The following CLNS1A variants were observed in gnomAD, a reference collection of about 807,000 sequenced individuals.
CLNS1A encodes the protein methylosome subunit pICln.
In CLNS1A, 16 loss-of-function variants were observed where a neutral mutation model predicts 29.4. The observed-to-expected ratio is 0.54, with a 90% CI of 0.37 to 0.83. The LOEUF (loss-of-function observed/expected upper bound fraction) is 0.83, where lower values mean the gene tolerates loss of function less well. Ranked by LOEUF, CLNS1A falls within the 40% of genes least tolerant of loss-of-function variation. The pLI, the probability that CLNS1A is intolerant of heterozygous loss-of-function variation, is 0.00. For synonymous variants in CLNS1A, 96 were observed against 104.8 expected (o/e 0.92, Z 0.51); for missense variants, 235 against 287.4 (o/e 0.82, Z 1.32).
chr11:77,637,457 TGA>T, intron 1 of CLNS1A, 131 bp downstream of exon 1: 11 of 1,172,828 alleles, frequency 9.4e-6, no homozygotes, highest in Non-Finnish European at 1.2e-5. Flanking sequence ...CAGGTATCCC[TGA>T]GGCGTCGGGC....
intron 2 of CLNS1A, among the ~76,000 whole-genome samples, chr11:77,628,994 T>A (rs1006475972): frequency 6.6e-6 from 1 of 152,190 alleles, no homozygotes; most frequent in Non-Finnish European, 1.5e-5. Context: ...TCAACCAAAA[T>A]GTCACTGCCA....
At chr11:77,632,670 T>C (rs1472446672) in intron 1 of CLNS1A, among the ~76,000 whole-genome samples, 1 of 152,198 alleles carries the variant, frequency 6.6e-6, no homozygotes, top group Non-Finnish European at 1.5e-5. Context: ...TTCTGTATTT[T>C]ACTTTTTCAG....
intron 5 of CLNS1A, among the ~76,000 whole-genome samples, chr11:77,621,118 G>A (rs1000449124): frequency 1.3e-5 from 2 of 152,114 alleles, no homozygotes; most frequent in Non-Finnish European, 2.9e-5. Flanking sequence ...CCAACATGGT[G>A]AAACCCCGTC....
chr11:77,621,321 ACACAC>A, intron 5 of CLNS1A, among the ~76,000 whole-genome samples: 1 of 151,584 alleles, frequency 6.6e-6, no homozygotes, highest in Non-Finnish European at 1.5e-5. Flanking sequence ...ACACACACAC[ACACAC>A]AATCAGTGTA....
At chr11:77,622,737 A>C (rs1411057236) in intron 4 of CLNS1A, 64 bp from the exon 5 acceptor site, 2 of 1,276,166 alleles carry the variant, frequency 1.6e-6, no homozygotes, top group Non-Finnish European at 2.1e-6. Flanking sequence ...TGGAATCAAT[A>C]ATATATCTGC....
Position 77,629,830 on chromosome 11 carries a change from T to C in CLNS1A, c.195A>G (p.Ala65=), listed in dbSNP as rs144971790. Residue 65 remains alanine (A), a synonymous_variant, in exon 2 of 7, where the codon GCA becomes GCG. Transcript: ENST00000525428. ...GACAGTCACTTCGGTCCCTGGATAA[T>C]GCATGTAAACTAATGGTGGGGTATT... is the stretch of plus-strand genomic sequence containing the variant. ...SLEYPTISLH[A]LSRDRSDCLG... The C allele has an allele frequency of 4.3e-6, 7 of 1,613,694 alleles. No individual in the cohort carries two copies. The African/African-American group carries it at 9.3e-5, about 22-fold the overall frequency.
chr11:77,623,978 T>A (rs966783648), intron 4 of CLNS1A, among the ~76,000 whole-genome samples: 7 of 152,188 alleles, frequency 4.6e-5, no homozygotes, highest in Non-Finnish European at 1.0e-4. Context: ...TAAATAAAGA[T>A]GCAGGCCAGG....
At chr11:77,617,784 G>A (rs1465486347) in intron 6 of CLNS1A, among the ~76,000 whole-genome samples, 1 of 151,902 alleles carries the variant, frequency 6.6e-6, no homozygotes, top group Non-Finnish European at 1.5e-5. Context: ...CAGGCGTGGT[G>A]GCGCGCGTCT....
At position 77,622,523 on chromosome 11, in the gene CLNS1A, T is replaced by G. The variant is rs1164504956; in HGVS notation, c.623A>C (p.Glu208Ala). The G allele has an allele frequency of 6.2e-7, 1 of 1,601,092 alleles. No individual in the cohort carries two copies. Residue 208 changes from glutamate (E) to alanine (A), a missense_variant, in exon 5 of 7, where the codon GAA (glutamate) becomes GCA (alanine). By Grantham distance (107) the Glu-to-Ala change is moderately radical. Coordinates refer to ENST00000525428, the MANE Select transcript of CLNS1A (RefSeq NM_001293.3). ...ACCTTCATAATCTCTTATTGAATCT[T>G]CTGTCCTGACCCCAGCCATATTATA... Reference protein sequence around the residue: ...SQYNMAGVRTEDSIRDYEDGM... With the variant: ...SQYNMAGVRTADSIRDYEDGM...
intron 6 of CLNS1A, 62 bp downstream of exon 6, chr11:77,619,544 A>G: frequency 8.9e-7 from 1 of 1,117,672 alleles, no homozygotes; most frequent in Non-Finnish European, 1.4e-6. Flanking sequence ...TTTAAAAAGT[A>G]GAAAGTAATC....
intron 1 of CLNS1A, among the ~76,000 whole-genome samples, chr11:77,634,099 C>T (rs1471909832): frequency 6.7e-6 from 1 of 148,558 alleles, no homozygotes; most frequent in Non-Finnish European, 1.5e-5. Flanking sequence ...GAAACTTCAT[C>T]TCAAAAAAAA....
chr11:77,616,932 G>C (rs557190509), intron 6 of CLNS1A, among the ~76,000 whole-genome samples: 1 of 152,180 alleles, frequency 6.6e-6, no homozygotes, highest in Non-Finnish European at 1.5e-5. Context: ...GTGATTCCAC[G>C]ATTAACGTGC....
At chr11:77,622,201 G>A (rs1419319399) in intron 5 of CLNS1A, among the ~76,000 whole-genome samples, 4 of 152,102 alleles carry the variant, frequency 2.6e-5, no homozygotes. Flanking sequence ...AGATGCAACA[G>A]TAAATTAATA....
At chr11:77,630,223 C>G (rs1959061025) in intron 1 of CLNS1A, among the ~76,000 whole-genome samples, 1 of 152,054 alleles carries the variant, frequency 6.6e-6, no homozygotes, top group African/African-American at 2.4e-5. Context: ...TTTTGCAAAT[C>G]CTCCCCTCTT....
intron 1 of CLNS1A, among the ~76,000 whole-genome samples, chr11:77,636,231 CT>C (rs1402916727): frequency 6.6e-6 from 1 of 152,042 alleles, no homozygotes; most frequent in African/African-American, 2.4e-5. Context: ...CCATGCCTGG[CT>C]AATTTTTGTA....
intron 1 of CLNS1A, among the ~76,000 whole-genome samples, chr11:77,632,563 T>C (rs1310170874): frequency 6.6e-6 from 1 of 152,184 alleles, no homozygotes; most frequent in African/African-American, 2.4e-5. Context: ...GGATTATGCA[T>C]TCTATAGGAC....
At chr11:77,619,502 T>A (rs995993408) in intron 6 of CLNS1A, 104 bp downstream of exon 6, 13 of 765,338 alleles carry the variant, frequency 1.7e-5, no homozygotes, top group Non-Finnish European at 2.5e-5. Context: ...CTAGCCTGGG[T>A]GACAGAGTAA....
intron 1 of CLNS1A, 33 bp from the exon 2 acceptor site, chr11:77,629,932 G>C: frequency 6.2e-7 from 1 of 1,609,408 alleles, no homozygotes; most frequent in Non-Finnish European, 8.5e-7. Context: ...ATTATTTTTA[G>C]AAAGTAAATC....
chr11:77,633,931 T>C (rs1272600110), intron 1 of CLNS1A, among the ~76,000 whole-genome samples: 2 of 151,940 alleles, frequency 1.3e-5, no homozygotes, highest in African/African-American at 4.8e-5. Flanking sequence ...AGAAATCCCA[T>C]CTCTGCTAAA....
Sources: allele counts gnomAD v4.1 joint callset (sites outside exome capture counted in the v4.1 genomes callset), GRCh38; gene constraint gnomAD v4.1.1; transcripts MANE v1.5; gene names NCBI Gene and HGNC (gene_info 2026-07-23, HGNC 2026-07-21).